The following UBE2W variants were observed in gnomAD, a reference collection of about 807,000 sequenced individuals.
UBE2W encodes the protein ubiquitin-conjugating enzyme E2 W.
In UBE2W, 18 loss-of-function variants were observed where a neutral mutation model predicts 27.2. That is an observed-to-expected ratio of 0.66 (90% CI 0.46 to 0.98). The LOEUF is 0.98. Ranked by LOEUF, UBE2W falls within the 50% of genes least tolerant of loss-of-function variation. The pLI is 0.00. For synonymous variants in UBE2W, 53 were observed against 57.2 expected, an observed-to-expected ratio of 0.93 and a Z score of 0.33; for missense variants, 90 against 180.2, an observed-to-expected ratio of 0.50 and a Z score of 2.87.
At chr8:73,868,585 A>C (rs1811872254) in intron 1 of UBE2W, among the ~76,000 whole-genome samples, 1 of 152,122 alleles carries the variant, frequency 6.6e-6, no homozygotes, top group Non-Finnish European at 1.5e-5. Flanking sequence ...CTGGGAACCT[A>C]CAACTTGTGA....
Position 73,787,049 on chromosome 8 carries a change from T to C in UBE2W, c.*7053A>G. On this transcript the variant is annotated 3_prime_UTR_variant, in exon 6 of 6. Coordinates refer to ENST00000602593, the MANE Select transcript of UBE2W (RefSeq NM_018299.6). ...CATGAGAAGATATTTCCTACCTTAG[T>C]TGATAAACTTTCCTTATTATTTCCA... 1.0e-6 allele frequency: 1 copy of C among 985,468 alleles called. No homozygotes were observed. Among genetic ancestry groups the C allele is most frequent in the Non-Finnish European group, 1.2e-6 (1 of 829,940 alleles). The allele number at this position is 985,468 out of a possible 1,614,324, so 61.0% of individuals were successfully genotyped here.
intron 5 of UBE2W, among the ~76,000 whole-genome samples, chr8:73,795,307 C>T (rs1309630005): frequency 2.6e-5 from 4 of 152,146 alleles, no homozygotes; most frequent in Non-Finnish European, 4.4e-5. Flanking sequence ...TGGTGCCCTC[C>T]TTGCAGTCAT....
intron 3 of UBE2W, among the ~76,000 whole-genome samples, chr8:73,820,419 G>A (rs1476491357): frequency 6.6e-6 from 1 of 152,028 alleles, no homozygotes; most frequent in Non-Finnish European, 1.5e-5. Context: ...CAACCTCTAT[G>A]CCATGTGAGG....
intron 1 of UBE2W, among the ~76,000 whole-genome samples, chr8:73,868,465 A>G (rs1012630912): frequency 6.6e-5 from 10 of 152,206 alleles, no homozygotes; most frequent in African/African-American, 2.4e-4. Flanking sequence ...AATTGTGAGT[A>G]TACTGTCTTC....
chr8:73,832,868 T>C (rs1194693563), intron 1 of UBE2W, among the ~76,000 whole-genome samples: 1 of 152,212 alleles, frequency 6.6e-6, no homozygotes, highest in Admixed American at 6.5e-5. Context: ...GTTTTAGCAG[T>C]GCTTCCTTTG....
intron 5 of UBE2W, among the ~76,000 whole-genome samples, chr8:73,803,370 C>A (rs1163574550): frequency 2.0e-5 from 3 of 152,134 alleles, no homozygotes; most frequent in Non-Finnish European, 4.4e-5. Context: ...AATGCCTTAT[C>A]ATATATTCAA....
At chr8:73,856,970 G>A (rs555528680) in intron 1 of UBE2W, among the ~76,000 whole-genome samples, 2 of 152,284 alleles carry the variant, frequency 1.3e-5, no homozygotes, top group African/African-American at 4.8e-5. Flanking sequence ...GCCTCCCAAA[G>A]TGCTGAGATT....
intron 1 of UBE2W, among the ~76,000 whole-genome samples, chr8:73,841,521 A>C (rs1810533188): frequency 1.3e-5 from 2 of 152,288 alleles, no homozygotes; most frequent in South Asian, 4.1e-4. Flanking sequence ...ACAGCCCACA[A>C]AAGGAGACAA....
rs1807969722 is a variant in UBE2W at position 73,786,694 on chromosome 8, G to A, written c.*7408C>T. 2 of 985,326 alleles carry A rather than the reference G, an allele frequency of 2.0e-6. No homozygotes were observed. Among genetic ancestry groups the A allele is most frequent in the African/African-American group, 1.7e-5 (1 of 57,236 alleles). The allele number at this position is 985,326 out of a possible 1,614,324, so 61.0% of individuals were successfully genotyped here. A position where few individuals can be genotyped will look rare whatever the true frequency, so the allele number is the denominator to read the frequency against. On this transcript the variant is annotated 3_prime_UTR_variant, in exon 6 of 6. Coordinates refer to ENST00000602593, the MANE Select transcript of UBE2W (RefSeq NM_018299.6). ...GAAACAAGGTTTGTGGACAGCTGAA[G>A]AGCAGCCTAGGGACACCAAGGCCAG...
chr8:73,846,413 AG>A (rs2130938945), intron 1 of UBE2W, among the ~76,000 whole-genome samples: 1 of 152,314 alleles, frequency 6.6e-6, no homozygotes, highest in East Asian at 1.9e-4. Context: ...AAAAAGAAAA[AG>A]AAAAAACTCT....
At chr8:73,808,968 G>A (rs1013934501) in intron 4 of UBE2W, among the ~76,000 whole-genome samples, 5 of 152,132 alleles carry the variant, frequency 3.3e-5, no homozygotes, top group South Asian at 2.1e-4. Flanking sequence ...GCACATGCAA[G>A]ACTATGTACA....
chr8:73,827,799 C>T (rs765920693), intron 2 of UBE2W, among the ~76,000 whole-genome samples: 1 of 152,126 alleles, frequency 6.6e-6, no homozygotes, highest in African/African-American at 2.4e-5. Flanking sequence ...CCCGCCTCAG[C>T]CTCTCAAAGC....
chr8:73,810,905 A>AT (rs1226968075), intron 3 of UBE2W, among the ~76,000 whole-genome samples: 3 of 152,138 alleles, frequency 2.0e-5, no homozygotes, highest in African/African-American at 7.2e-5. Context: ...TAAACTACGT[A>AT]TTTTTTACTA....
chr8:73,823,288 TGTTTAA>T (rs1036391243), intron 3 of UBE2W, among the ~76,000 whole-genome samples: 2 of 152,182 alleles, frequency 1.3e-5, no homozygotes, highest in African/African-American at 2.4e-5. Context: ...TTCAACATAA[TGTTTAA>T]GTTTGATATT....
intron 1 of UBE2W, among the ~76,000 whole-genome samples, chr8:73,842,203 T>C (rs909354613): frequency 2.6e-5 from 4 of 152,134 alleles, no homozygotes; most frequent in Non-Finnish European, 4.4e-5. Context: ...ATACAAATTA[T>C]AGCATAGCAA....
At chr8:73,846,342 G>A (rs1361427830) in intron 1 of UBE2W, among the ~76,000 whole-genome samples, 2 of 152,136 alleles carry the variant, frequency 1.3e-5, no homozygotes, top group African/African-American at 2.4e-5. Flanking sequence ...GTCGCAGTGA[G>A]TCAATATTGC....
chr8:73,866,290 A>AAAAATATATATATAT (rs1248216873), intron 1 of UBE2W, among the ~76,000 whole-genome samples: 5 of 43,092 alleles, frequency 1.2e-4, no homozygotes, highest in African/African-American at 5.0e-4. Context: ...AAAAAAAAAA[A>AAAAATATATATATAT]ATATATATAT....
At position 73,878,799 on chromosome 8, in the gene UBE2W, T is replaced by G; in HGVS notation, c.15+9A>C. 1 of 1,548,482 alleles carries G rather than the reference T, an allele frequency of 6.5e-7. No homozygotes were observed. The highest frequency in any genetic ancestry group is 8.7e-7 in the Non-Finnish European group (1 of 1,144,980). ...CCTGGCCCGCCCAGATGCAGCAAAC[T>G]CCTCTCACCTGCATTGACGCCATGA... On this transcript the variant is annotated intron_variant, in intron 1 of 5. Transcript: ENST00000602593.
intron 1 of UBE2W, among the ~76,000 whole-genome samples, chr8:73,839,347 TAAAAAAAA>T (rs34467910): frequency 7.6e-6 from 1 of 131,710 alleles, no homozygotes; most frequent in Admixed American, 7.9e-5. Flanking sequence ...TGCTCCTAGT[TAAAAAAAA>T]AAAAAAAAAA....
Sources: allele counts gnomAD v4.1 joint callset (sites outside exome capture counted in the v4.1 genomes callset), GRCh38; gene constraint gnomAD v4.1.1; transcripts MANE v1.5; gene names NCBI Gene and HGNC (gene_info 2026-07-23, HGNC 2026-07-21).